RSRC1: variants seen among roughly 807,000 people sequenced by gnomAD.
RSRC1 encodes the protein serine/Arginine-related protein 53.
In RSRC1, 39 loss-of-function variants were observed where a neutral mutation model predicts 49.1. The ratio of observed to expected loss-of-function variants is 0.79; its 90% CI spans 0.61 to 1.04. RSRC1 has a LOEUF of 1.04. Ranked by LOEUF, RSRC1 falls within the 50% of genes least tolerant of loss-of-function variation. The probability of loss-of-function intolerance (pLI) is 0.00; values close to 1 mark genes in which losing one functional copy is unlikely to be tolerated. For missense variants in RSRC1, 388 were observed against 402.4 expected, an observed-to-expected ratio of 0.96 and a Z score of 0.31; for synonymous variants, 143 against 130.8, an observed-to-expected ratio of 1.09 and a Z score of -0.63.
intron 5 of RSRC1, among the ~76,000 whole-genome samples, chr3:158,301,971 T>A (rs891963980): frequency 1.5e-5 from 2 of 129,310 alleles, no homozygotes; most frequent in Non-Finnish European, 3.2e-5. Context: ...CTTTGTTTTT[T>A]TGTTTTTTGG....
At chr3:158,487,946 C>CAAAAAAAAAAAAAAAAAAAAAAAAAAAA (rs1303656428) in intron 7 of RSRC1, among the ~76,000 whole-genome samples, 6 of 11,480 alleles carry the variant, frequency 5.2e-4, no homozygotes, top group African/African-American at 9.4e-4. Context: ...GACTCCATCT[C>CAAAAAAAAAAAAAAAAAAAAAAAAAAAA]AAGAAAAAAA....
At chr3:158,263,502 T>G (rs1038228243) in intron 4 of RSRC1, among the ~76,000 whole-genome samples, 3 of 152,132 alleles carry the variant, frequency 2.0e-5, no homozygotes, top group Admixed American at 2.0e-4. Flanking sequence ...TATAATTCCT[T>G]TGTCTGTGTT....
At chr3:158,409,664 C>T (rs1279066392) in intron 6 of RSRC1, among the ~76,000 whole-genome samples, 1 of 152,142 alleles carries the variant, frequency 6.6e-6, no homozygotes, top group Non-Finnish European at 1.5e-5. Context: ...ATTAAACTTA[C>T]AGTCTCCTGA....
chr3:158,515,003 A>G (rs1419875718), intron 7 of RSRC1, among the ~76,000 whole-genome samples: 2 of 151,446 alleles, frequency 1.3e-5, no homozygotes, highest in Non-Finnish European at 2.9e-5. Flanking sequence ...TTTTGAGCCT[A>G]TGTGTGTCTC....
At chr3:158,154,721 C>T (rs1220422080) in intron 3 of RSRC1, among the ~76,000 whole-genome samples, 1 of 152,138 alleles carries the variant, frequency 6.6e-6, no homozygotes, top group Non-Finnish European at 1.5e-5. Context: ...CCTCTGCCTT[C>T]CAAAGTGCTC....
intron 4 of RSRC1, among the ~76,000 whole-genome samples, chr3:158,214,726 G>A (rs1721862842): frequency 6.6e-6 from 1 of 151,698 alleles, no homozygotes; most frequent in Admixed American, 6.6e-5. Flanking sequence ...CAAGTGTTTG[G>A]AGATTTCCCT....
At chr3:158,477,783 G>C (rs1448439530) in intron 7 of RSRC1, among the ~76,000 whole-genome samples, 1 of 87,980 alleles carries the variant, frequency 1.1e-5, no homozygotes, top group Non-Finnish European at 2.2e-5. Context: ...TGATGGGATA[G>C]GTTGCGGGAG....
At chr3:158,161,620 G>A (rs1286102168) in intron 3 of RSRC1, among the ~76,000 whole-genome samples, 4 of 152,088 alleles carry the variant, frequency 2.6e-5, no homozygotes, top group Non-Finnish European at 5.9e-5. Flanking sequence ...AAATTAGCTG[G>A]CAGTAACGGC....
chr3:158,223,300 A>G (rs745704614), intron 4 of RSRC1, among the ~76,000 whole-genome samples: 17 of 151,480 alleles, frequency 1.1e-4, no homozygotes, highest in East Asian at 9.8e-4. Context: ...GGGTTCCATC[A>G]TTTTTCAGAC....
At chr3:158,210,379 G>A (rs1447613454) in intron 4 of RSRC1, among the ~76,000 whole-genome samples, 1 of 151,340 alleles carries the variant, frequency 6.6e-6, no homozygotes, top group Non-Finnish European at 1.5e-5. Context: ...ACTTTGTAAA[G>A]AGATCTTGTT....
At chr3:158,165,806 A>C (rs1194629571) in intron 3 of RSRC1, among the ~76,000 whole-genome samples, 3 of 152,142 alleles carry the variant, frequency 2.0e-5, no homozygotes, top group Non-Finnish European at 4.4e-5. Flanking sequence ...CCTTTTAGCA[A>C]CTTCAGTGTA....
chr3:158,463,999 A>G (rs896376152), intron 7 of RSRC1, among the ~76,000 whole-genome samples: 1 of 152,170 alleles, frequency 6.6e-6, no homozygotes, highest in African/African-American at 2.4e-5. Context: ...AAATATTTAA[A>G]GTTTAAGTTT....
At chr3:158,445,667 A>G (rs1436921413) in intron 6 of RSRC1, among the ~76,000 whole-genome samples, 1 of 152,126 alleles carries the variant, frequency 6.6e-6, no homozygotes, top group Non-Finnish European at 1.5e-5. Flanking sequence ...CAACAACGAA[A>G]AAAACGAAGT....
chr3:158,324,884 C>T (rs1344154029), intron 5 of RSRC1, among the ~76,000 whole-genome samples: 1 of 152,228 alleles, frequency 6.6e-6, no homozygotes, highest in Non-Finnish European at 1.5e-5. Context: ...CACATCCTCT[C>T]CAGCACCTGC....
chr3:158,349,573 A>G (rs74808906), intron 5 of RSRC1, among the ~76,000 whole-genome samples: 2 of 151,524 alleles, frequency 1.3e-5, no homozygotes, highest in South Asian at 4.2e-4. Context: ...TTTCTTTTAT[A>G]CAGTCAAAAT....
At chr3:158,348,370 G>A (rs1438959712) in intron 5 of RSRC1, among the ~76,000 whole-genome samples, 1 of 152,078 alleles carries the variant, frequency 6.6e-6, no homozygotes, top group Non-Finnish European at 1.5e-5. Context: ...CTCATGGGTG[G>A]CTCAAAGGAT....
At chr3:158,458,709 G>A (rs1737470660) in intron 6 of RSRC1, among the ~76,000 whole-genome samples, 2 of 152,044 alleles carry the variant, frequency 1.3e-5, no homozygotes, top group Non-Finnish European at 2.9e-5. Flanking sequence ...CATTAGAGCA[G>A]GTCTGACCAC....
chr3:158,382,588 C>A (rs535223680), intron 6 of RSRC1, among the ~76,000 whole-genome samples: 1 of 152,082 alleles, frequency 6.6e-6, no homozygotes, highest in African/African-American at 2.4e-5. Context: ...CCAGCTACCC[C>A]CTACCCCCAG....
At chr3:158,444,856 C>T (rs1241826013) in intron 6 of RSRC1, among the ~76,000 whole-genome samples, 4 of 152,190 alleles carry the variant, frequency 2.6e-5, no homozygotes, top group Admixed American at 6.5e-5. Context: ...TATGAACAGA[C>T]ACTTCTCAAA....
Sources: gnomAD v4.1 joint callset for allele counts (sites outside exome capture counted in the v4.1 genomes callset) on GRCh38, gnomAD v4.1.1 for gene constraint, MANE v1.5 for transcripts, NCBI Gene and HGNC (gene_info 2026-07-23, HGNC 2026-07-21) for gene names.